Variants in TEAD1 observed in about 807,000 individuals in gnomAD.
TEAD1 encodes the protein transcriptional enhancer factor TEF-1.
Under a neutral mutation model 54.9 loss-of-function variants are expected in TEAD1, and 9 were observed. The observed-to-expected ratio is 0.16, with a 90% CI of 0.10 to 0.29. The LOEUF (loss-of-function observed/expected upper bound fraction) is 0.29, where lower values mean the gene tolerates loss of function less well. Among genes scored for constraint, TEAD1 ranks in the 10% least tolerant of loss-of-function variants. The probability of loss-of-function intolerance (pLI) is 1.00; values close to 1 mark genes in which losing one functional copy is unlikely to be tolerated. For synonymous variants in TEAD1, 200 were observed against 187.8 expected, an observed-to-expected ratio of 1.07 and a Z score of -0.53; for missense variants, 387 against 535.9, an observed-to-expected ratio of 0.72 and a Z score of 2.74.
At chr11:12,798,914 C>T (rs963767037) in intron 3 of TEAD1, among the ~76,000 whole-genome samples, 31 of 152,326 alleles carry the variant, frequency 2.0e-4, no homozygotes, top group African/African-American at 6.5e-4. Flanking sequence ...TCTCCTTTCC[C>T]AACTCTGCCA....
intron 3 of TEAD1, among the ~76,000 whole-genome samples, chr11:12,841,178 T>C (rs372472571): frequency 6.6e-6 from 1 of 152,150 alleles, no homozygotes; most frequent in Non-Finnish European, 1.5e-5. Context: ...TCCTGAAAAA[T>C]ATGTAGCCTC....
intron 9 of TEAD1, among the ~76,000 whole-genome samples, chr11:12,891,916 G>C (rs1948205982): frequency 6.6e-6 from 1 of 152,194 alleles, no homozygotes; most frequent in African/African-American, 2.4e-5. Context: ...AAGGAAGGGA[G>C]TTTTGCTGCC....
chr11:12,711,953 G>A (rs1034454138), intron 2 of TEAD1, among the ~76,000 whole-genome samples: 6 of 152,088 alleles, frequency 3.9e-5, no homozygotes, highest in Non-Finnish European at 5.9e-5. Flanking sequence ...TGCAGAGCCT[G>A]CCTCTCTCTT....
At chr11:12,811,091 T>C (rs1046806146) in intron 3 of TEAD1, among the ~76,000 whole-genome samples, 5 of 152,222 alleles carry the variant, frequency 3.3e-5, no homozygotes, top group African/African-American at 9.6e-5. Flanking sequence ...GTGATTGATA[T>C]AAGCCTAAAA....
At chr11:12,926,148 G>T (rs1333564149) in intron 11 of TEAD1, among the ~76,000 whole-genome samples, 11 of 152,156 alleles carry the variant, frequency 7.2e-5, no homozygotes, top group Non-Finnish European at 1.5e-5. Context: ...GACCTTTCAG[G>T]TTCAAGAGCC....
intron 2 of TEAD1, among the ~76,000 whole-genome samples, chr11:12,751,693 T>C (rs1002019797): frequency 6.6e-6 from 1 of 150,924 alleles, no homozygotes; most frequent in African/African-American, 2.4e-5. Context: ...ACTTTCCCTT[T>C]CATATTTATA....
chr11:12,749,476 T>C (rs1944819357), intron 2 of TEAD1, among the ~76,000 whole-genome samples: 2 of 152,146 alleles, frequency 1.3e-5, no homozygotes, highest in Non-Finnish European at 2.9e-5. Flanking sequence ...AAAATGTGGA[T>C]TTAATCAAGG....
Position 12,938,039 on chromosome 11 carries a change from A to G in TEAD1, c.*817A>G, listed in dbSNP as rs1949126229. Reference sequence around the variant, plus strand: ...GTGATGATGGATTATTTAATGAAAAAGAAAAAATGGCTCTTTTTGCAATAA... The same window carrying G: ...GTGATGATGGATTATTTAATGAAAAGGAAAAAATGGCTCTTTTTGCAATAA... On this transcript the variant is annotated 3_prime_UTR_variant, in exon 13 of 13. Transcript: ENST00000527636. 1 of 152,628 alleles carries G rather than the reference A, an allele frequency of 6.6e-6. No homozygotes were observed. The highest frequency in any genetic ancestry group is 1.5e-5 in the Non-Finnish European group (1 of 68,038). The allele number at this position is 152,628 out of a possible 1,614,324, so 9.5% of individuals were successfully genotyped here.
intron 2 of TEAD1, among the ~76,000 whole-genome samples, chr11:12,710,362 T>A (rs1943910223): frequency 1.3e-5 from 2 of 152,102 alleles, no homozygotes; most frequent in Non-Finnish European, 2.9e-5. Context: ...ATGTGTTCTT[T>A]ATGAAAATAA....
chr11:12,854,329 C>T (rs1947329888), intron 3 of TEAD1, among the ~76,000 whole-genome samples: 1 of 152,112 alleles, frequency 6.6e-6, no homozygotes. Flanking sequence ...GCTGTGTTCT[C>T]AGCACTGGAT....
chr11:12,934,307 A>G (rs1949062535), intron 12 of TEAD1, among the ~76,000 whole-genome samples: 1 of 152,120 alleles, frequency 6.6e-6, no homozygotes, highest in African/African-American at 2.4e-5. Flanking sequence ...CAAACACCGC[A>G]TGTTCTCACT....
chr11:12,710,117 A>G (rs2133850412), intron 2 of TEAD1, among the ~76,000 whole-genome samples: 1 of 152,194 alleles, frequency 6.6e-6, no homozygotes, highest in East Asian at 1.9e-4. Context: ...ACTTGAGCCC[A>G]GGAGTTTGAG....
chr11:12,912,643 A>G (rs1054849890), intron 10 of TEAD1, among the ~76,000 whole-genome samples: 1 of 152,216 alleles, frequency 6.6e-6, no homozygotes, highest in Non-Finnish European at 1.5e-5. Flanking sequence ...AAAACGTAGT[A>G]GGAATGAAAT....
At chr11:12,753,296 C>T (rs1298465856) in intron 2 of TEAD1, among the ~76,000 whole-genome samples, 1 of 152,126 alleles carries the variant, frequency 6.6e-6, no homozygotes, top group Non-Finnish European at 1.5e-5. Context: ...TTTGGAATTG[C>T]TGAATCAGGA....
At chr11:12,758,360 C>T (rs1445985106) in intron 2 of TEAD1, among the ~76,000 whole-genome samples, 1 of 150,862 alleles carries the variant, frequency 6.6e-6, no homozygotes, top group Non-Finnish European at 1.5e-5. Flanking sequence ...CCTGCCTCAG[C>T]CTCCTGAGCA....
At chr11:12,793,310 A>G (rs142164368) in intron 3 of TEAD1, among the ~76,000 whole-genome samples, 382 of 152,258 alleles carry the variant, frequency 2.5e-3, no homozygotes, top group African/African-American at 8.8e-3. Context: ...TTTAAGAACT[A>G]TGATAATATT....
intron 2 of TEAD1, among the ~76,000 whole-genome samples, chr11:12,718,602 T>C (rs1012504087): frequency 1.3e-5 from 2 of 152,162 alleles, no homozygotes; most frequent in East Asian, 1.9e-4. Flanking sequence ...TGGGTGAAAT[T>C]ATTGATGTAA....
chr11:12,879,622 G>C, intron 5 of TEAD1, 86 bp from the exon 6 acceptor site: 1 of 1,560,470 alleles, frequency 6.4e-7, no homozygotes, highest in South Asian at 1.1e-5. Flanking sequence ...CTGTATTTTA[G>C]TCCATGTGCT....
chr11:12,689,313 A>G (rs1943403290), intron 2 of TEAD1, among the ~76,000 whole-genome samples: 1 of 152,198 alleles, frequency 6.6e-6, no homozygotes, highest in Admixed American at 6.5e-5. Context: ...CACTCTTGAT[A>G]GTTGTTACTA....
Sources: gnomAD v4.1 joint callset for allele counts (sites outside exome capture counted in the v4.1 genomes callset) on GRCh38, gnomAD v4.1.1 for gene constraint, MANE v1.5 for transcripts, NCBI Gene and HGNC (gene_info 2026-07-23, HGNC 2026-07-21) for gene names.